Variants in STK38L observed in about 807,000 individuals in gnomAD.
STK38L encodes the protein serine/threonine kinase 38 like, also known as serine/threonine-protein kinase 38-like.
A neutral mutation model predicts 59.7 loss-of-function variants in STK38L; 28 were observed. The ratio of observed to expected loss-of-function variants is 0.47; its 90% confidence interval spans 0.35 to 0.64. The LOEUF is 0.64. Ranked by LOEUF, STK38L falls within the 30% of genes least tolerant of loss-of-function variation. The pLI, the probability that STK38L is intolerant of heterozygous loss-of-function variation, is 0.01. For missense variants in STK38L, 314 were observed against 555.8 expected (o/e 0.56, Z 4.37); for synonymous variants, 162 against 176.8 (o/e 0.92, Z 0.66).
chr12:27,277,042 T>TTAAAA (rs1306838130), intron 1 of STK38L, among the ~76,000 whole-genome samples: 1 of 152,208 alleles, frequency 6.6e-6, no homozygotes, highest in African/African-American at 2.4e-5. Context: ...CTTGAAGTAT[T>TTAAAA]TACTTCACTT....
chr12:27,300,418 A>G (rs1325990983), intron 2 of STK38L: 1 of 385,220 alleles, frequency 2.6e-6, no homozygotes, highest in African/African-American at 2.1e-5. Context: ...AGAATGAGGA[A>G]TGATTTCATG....
intron 1 of STK38L, among the ~76,000 whole-genome samples, chr12:27,262,516 A>G (rs929211591): frequency 1.3e-5 from 2 of 152,028 alleles, no homozygotes; most frequent in African/African-American, 2.4e-5. Flanking sequence ...TGAGTAGTCA[A>G]TTTCTGAAAT....
At chr12:27,269,610 T>G (rs1250736082) in intron 1 of STK38L, among the ~76,000 whole-genome samples, 1 of 152,216 alleles carries the variant, frequency 6.6e-6, no homozygotes, top group Non-Finnish European at 1.5e-5. Context: ...CATATTCATG[T>G]TGCATATGTT....
rs529326990 is a variant in STK38L, at chr12:27,259,854, T to C, written c.-12+15522T>C. Among the ~76,000 whole-genome samples the C allele has an allele frequency of 1.2e-4, 19 of 152,354 alleles. No individual in the cohort carries two copies. The South Asian group carries it at 3.9e-3, about 32-fold the overall frequency. On this transcript the variant is annotated intron_variant, in intron 1 of 13. Transcript: ENST00000389032. The stretch of plus-strand genomic sequence containing the variant: ...TGTGTTTCTTTTATAGGCATCCATG[T>C]TATGTGTCCCTCCTTTCTTTTTCTG...
At chr12:27,274,919 A>C (rs1380134309) in intron 1 of STK38L, among the ~76,000 whole-genome samples, 1 of 152,166 alleles carries the variant, frequency 6.6e-6, no homozygotes, top group Non-Finnish European at 1.5e-5. Context: ...CTGCTAGACC[A>C]TTTTAGTTAT....
chr12:27,315,248 A>AT (rs1944558823), intron 8 of STK38L, 41 bp from the exon 9 acceptor site: 1 of 1,607,850 alleles, frequency 6.2e-7, no homozygotes, highest in South Asian at 1.1e-5. Context: ...TGTGGAGAGC[A>AT]TTTTTCCCTC....
intron 5 of STK38L, among the ~76,000 whole-genome samples, chr12:27,311,377 A>ATC (rs2136647144): frequency 6.6e-6 from 1 of 152,336 alleles, no homozygotes; most frequent in East Asian, 1.9e-4. Flanking sequence ...TCCAAATATG[A>ATC]CACTTTAAGC....
At chr12:27,294,118 A>G (rs112944491) in intron 1 of STK38L, among the ~76,000 whole-genome samples, 56 of 152,352 alleles carry the variant, frequency 3.7e-4, no homozygotes, top group African/African-American at 1.2e-3. Flanking sequence ...GAAGAGAACT[A>G]TCTATGAACT....
At chr12:27,247,671 T>C (rs1171504276) in intron 1 of STK38L, among the ~76,000 whole-genome samples, 1 of 152,190 alleles carries the variant, frequency 6.6e-6, no homozygotes, top group African/African-American at 2.4e-5. Context: ...TTGTATATTT[T>C]GTCCTGTAAT....
At chr12:27,265,909 A>T (rs1943292239) in intron 1 of STK38L, among the ~76,000 whole-genome samples, 1 of 152,190 alleles carries the variant, frequency 6.6e-6, no homozygotes, top group Admixed American at 6.5e-5. Context: ...AAGGCTGAGG[A>T]TTGGGCCTAG....
chr12:27,245,543 A>T (rs535504439), intron 1 of STK38L: 1 of 152,212 alleles, frequency 6.6e-6, no homozygotes, highest in Non-Finnish European at 1.5e-5. Context: ...TCTCAATCAT[A>T]TATGTATATA....
At chr12:27,302,478 A>T (rs1944199314) in intron 3 of STK38L, 1 of 215,900 alleles carries the variant, frequency 4.6e-6, no homozygotes, top group African/African-American at 2.3e-5. Context: ...CTTTTCTAAA[A>T]TTTTTTCTAA....
chr12:27,266,217 G>A (rs1565527944), intron 1 of STK38L, among the ~76,000 whole-genome samples: 1 of 152,190 alleles, frequency 6.6e-6, no homozygotes, highest in Non-Finnish European at 1.5e-5. Flanking sequence ...GTATAGAGAA[G>A]TTTTTAAAAT....
intron 1 of STK38L, among the ~76,000 whole-genome samples, chr12:27,271,990 G>A (rs747538130): frequency 2.0e-5 from 3 of 152,134 alleles, no homozygotes; most frequent in Non-Finnish European, 4.4e-5. Flanking sequence ...ATGAGCCACC[G>A]TACTCATTAG....
At chr12:27,267,872 TTTCTC>T (rs1943332047) in intron 1 of STK38L, among the ~76,000 whole-genome samples, 1 of 152,202 alleles carries the variant, frequency 6.6e-6, no homozygotes, top group Admixed American at 6.5e-5. Context: ...CCATTTATGT[TTTCTC>T]TTCTGTGAAA....
At chr12:27,294,827 C>T (rs1308804525) in intron 1 of STK38L, among the ~76,000 whole-genome samples, 1 of 151,250 alleles carries the variant, frequency 6.6e-6, no homozygotes, top group Non-Finnish European at 1.5e-5. Flanking sequence ...CTTCCTGCCT[C>T]ATCCTCCAGA....
At chr12:27,315,797 A>T (rs1474885796) in intron 9 of STK38L, among the ~76,000 whole-genome samples, 1 of 152,242 alleles carries the variant, frequency 6.6e-6, no homozygotes, top group African/African-American at 2.4e-5. Context: ...AAACAGTGTT[A>T]CAATAAAACA....
At chr12:27,288,154 G>C (rs1331293466) in intron 1 of STK38L, among the ~76,000 whole-genome samples, 1 of 152,142 alleles carries the variant, frequency 6.6e-6, no homozygotes, top group Non-Finnish European at 1.5e-5. Context: ...AGGGGTTACA[G>C]AGACATGAGC....
chr12:27,320,622 T>G (rs932438576), intron 12 of STK38L, among the ~76,000 whole-genome samples: 2 of 151,908 alleles, frequency 1.3e-5, no homozygotes, highest in African/African-American at 2.4e-5. Flanking sequence ...AAAAATCATT[T>G]ATTGTGTCCA....
Sources: gnomAD v4.1 joint callset for allele counts (sites outside exome capture counted in the v4.1 genomes callset) on GRCh38, gnomAD v4.1.1 for gene constraint, MANE v1.5 for transcripts, NCBI Gene and HGNC (gene_info 2026-07-23, HGNC 2026-07-21) for gene names.